Variants in SPOCK3 observed in about 807,000 individuals in gnomAD.
SPOCK3 encodes the protein testican-3.
In SPOCK3, 30 loss-of-function variants were observed where a neutral mutation model predicts 56.6. The observed-to-expected ratio is 0.53, with a 90% confidence interval of 0.40 to 0.72. The LOEUF is 0.72. Among genes scored for constraint, SPOCK3 ranks in the 30% least tolerant of loss-of-function variants. The pLI is 0.00. For missense variants in SPOCK3, 527 were observed against 530.0 expected (o/e 0.99, Z 0.06); for synonymous variants, 196 against 183.3 (o/e 1.07, Z -0.56).
intron 3 of SPOCK3, among the ~76,000 whole-genome samples, chr4:167,056,279 C>T (rs1263924112): frequency 6.6e-6 from 1 of 151,896 alleles, no homozygotes; most frequent in East Asian, 1.9e-4. Flanking sequence ...AACAGAAACC[C>T]ATCTGTACAT....
At chr4:166,746,871 C>A (rs1335600409) in intron 8 of SPOCK3, among the ~76,000 whole-genome samples, 1 of 152,110 alleles carries the variant, frequency 6.6e-6, no homozygotes, top group Non-Finnish European at 1.5e-5. Flanking sequence ...CACAAATAAA[C>A]TAGAAAATCT....
chr4:166,897,807 A>G (rs1326891672), intron 5 of SPOCK3, among the ~76,000 whole-genome samples: 1 of 152,190 alleles, frequency 6.6e-6, no homozygotes, highest in Non-Finnish European at 1.5e-5. Flanking sequence ...AGTCTCACAG[A>G]CCATATTAGA....
intron 3 of SPOCK3, among the ~76,000 whole-genome samples, chr4:167,018,911 A>G (rs1580010791): frequency 6.6e-6 from 1 of 152,168 alleles, no homozygotes; most frequent in East Asian, 1.9e-4. Context: ...ATTTCCATTG[A>G]TATTTATCAT....
chr4:166,743,057 T>TGA (rs1735070313), intron 8 of SPOCK3, among the ~76,000 whole-genome samples: 1 of 152,146 alleles, frequency 6.6e-6, no homozygotes, highest in Non-Finnish European at 1.5e-5. Flanking sequence ...CAAGTGGTCC[T>TGA]GAGATCGATC....
At chr4:167,055,095 T>C (rs1754650594) in intron 3 of SPOCK3, among the ~76,000 whole-genome samples, 1 of 152,118 alleles carries the variant, frequency 6.6e-6, no homozygotes, top group African/African-American at 2.4e-5. Flanking sequence ...AATATCAGTA[T>C]AAAAATATAA....
At chr4:166,839,774 G>T (rs1334408245) in intron 6 of SPOCK3, among the ~76,000 whole-genome samples, 3 of 152,122 alleles carry the variant, frequency 2.0e-5, no homozygotes, top group Admixed American at 6.5e-5. Flanking sequence ...GTATGAATGT[G>T]CACAGTTTAA....
rs35645475 is a variant in SPOCK3, at chr4:166,966,240, GT to G, written c.350+34108del. Among the ~76,000 whole-genome samples the G allele has an allele frequency of 7.6e-3, 1,078 of 141,370 alleles. 13 individuals carry two copies. The highest frequency in any genetic ancestry group is 0.025 in the African/African-American group (969 of 38,606). 92.7% of individuals were successfully genotyped at this position (141,370 alleles called of 152,430 possible). ...CCACTTATTCATCCATCCTTTCAGC[GT>G]TTTTTTTTTTTTCCCGTCAAGTGTT... On this transcript the variant is annotated intron_variant, in intron 4 of 10. Transcript: ENST00000357545.
intron 1 of SPOCK3, 130 bp from the exon 2 acceptor site, chr4:167,234,303 G>A (rs949394589): frequency 1.1e-6 from 1 of 879,776 alleles, no homozygotes; most frequent in Admixed American, 2.2e-5. Context: ...ACAAGCAGAG[G>A]CAAGCGTGTC....
At chr4:167,102,922 GAAAAAAA>G (rs55740507) in intron 2 of SPOCK3, among the ~76,000 whole-genome samples, 6 of 62,516 alleles carry the variant, frequency 9.6e-5, no homozygotes, top group East Asian at 5.4e-4. Flanking sequence ...ATAGCTTGCA[GAAAAAAA>G]AAAAAAAAAA....
intron 2 of SPOCK3, among the ~76,000 whole-genome samples, chr4:167,101,572 A>G (rs1012817694): frequency 6.6e-6 from 1 of 151,690 alleles, no homozygotes; most frequent in African/African-American, 2.4e-5. Context: ...TTAATTACCA[A>G]TAAGTGCTAT....
chr4:166,929,791 C>T (rs1739525630), intron 4 of SPOCK3, among the ~76,000 whole-genome samples: 1 of 152,104 alleles, frequency 6.6e-6, no homozygotes, highest in South Asian at 2.1e-4. Context: ...CCACACCCTA[C>T]TTAGCTTGAA....
intron 3 of SPOCK3, among the ~76,000 whole-genome samples, chr4:167,021,697 A>C (rs995554936): frequency 6.6e-6 from 1 of 151,994 alleles, no homozygotes; most frequent in African/African-American, 2.4e-5. Flanking sequence ...CACAGGAGCC[A>C]GAACGACCCA....
chr4:167,114,060 T>C (rs1381939349), intron 2 of SPOCK3, among the ~76,000 whole-genome samples: 1 of 152,104 alleles, frequency 6.6e-6, no homozygotes, highest in East Asian at 1.9e-4. Flanking sequence ...TTTAATTGTA[T>C]TCAAGAGATT....
intron 2 of SPOCK3, among the ~76,000 whole-genome samples, chr4:167,101,750 C>T (rs1759670727): frequency 7.6e-6 from 1 of 132,450 alleles, no homozygotes; most frequent in South Asian, 2.5e-4. Flanking sequence ...GAGTCTTGCT[C>T]TGTCACCAGG....
chr4:167,057,037 A>G (rs964481812), intron 3 of SPOCK3, among the ~76,000 whole-genome samples: 26 of 152,300 alleles, frequency 1.7e-4, no homozygotes, highest in South Asian at 2.1e-4. Context: ...ATCCAGAGAG[A>G]AAGGTCAGGT....
At chr4:167,005,704 C>T (rs991841191) in intron 3 of SPOCK3, among the ~76,000 whole-genome samples, 1 of 152,154 alleles carries the variant, frequency 6.6e-6, no homozygotes, top group Admixed American at 6.5e-5. Flanking sequence ...CTTTAAAATA[C>T]TGACTTACAA....
At chr4:167,079,301 G>A (rs879733998) in intron 2 of SPOCK3, among the ~76,000 whole-genome samples, 21 of 151,894 alleles carry the variant, frequency 1.4e-4, no homozygotes, top group Non-Finnish European at 2.5e-4. Flanking sequence ...CCACAAAATT[G>A]TTTTGTCAGT....
chr4:167,229,254 A>T (rs554937402), intron 2 of SPOCK3, among the ~76,000 whole-genome samples: 6 of 152,312 alleles, frequency 3.9e-5, no homozygotes, highest in African/African-American at 1.2e-4. Flanking sequence ...CATATTGTTG[A>T]AAAGTATAAT....
At chr4:166,941,304 C>T (rs1487195311) in intron 4 of SPOCK3, among the ~76,000 whole-genome samples, 1 of 152,090 alleles carries the variant, frequency 6.6e-6, no homozygotes, top group Non-Finnish European at 1.5e-5. Flanking sequence ...ATGATTTTGT[C>T]CTTGGGATTA....
Sources: allele counts gnomAD v4.1 joint callset (sites outside exome capture counted in the v4.1 genomes callset), GRCh38; gene constraint gnomAD v4.1.1; transcripts MANE v1.5; gene names NCBI Gene and HGNC (gene_info 2026-07-23, HGNC 2026-07-21).